Variants in RCAN2 observed in about 807,000 individuals in gnomAD.
RCAN2 encodes regulator of calcineurin 2, also known as calcipressin-2.
In RCAN2, 9 loss-of-function variants were observed where a neutral mutation model predicts 23.6. The observed-to-expected ratio is 0.38, with a 90% CI of 0.23 to 0.67. The LOEUF (loss-of-function observed/expected upper bound fraction) is 0.67. RCAN2 is among the 30% of genes least tolerant of loss of function. RCAN2 has a pLI of 0.51. For synonymous variants in RCAN2, 109 were observed against 115.7 expected, an observed-to-expected ratio of 0.94 and a Z score of 0.37; for missense variants, 273 against 302.3, an observed-to-expected ratio of 0.90 and a Z score of 0.72.
At chr6:46,433,067 T>A (rs1767262831) in intron 2 of RCAN2, among the ~76,000 whole-genome samples, 1 of 152,202 alleles carries the variant, frequency 6.6e-6, no homozygotes, top group African/African-American at 2.4e-5. Flanking sequence ...ATAACTTTTT[T>A]ACCTCTATGT....
At chr6:46,306,060 G>A (rs552794050) in intron 2 of RCAN2, among the ~76,000 whole-genome samples, 44 of 152,144 alleles carry the variant, frequency 2.9e-4, no homozygotes, top group Admixed American at 1.4e-3. Flanking sequence ...GTATGCTGTG[G>A]CCACACCCAG....
intron 2 of RCAN2, among the ~76,000 whole-genome samples, chr6:46,295,551 G>T (rs1762700374): frequency 6.6e-6 from 1 of 152,134 alleles, no homozygotes. Context: ...AGGGGCCAGA[G>T]TAAGAATGCA....
chr6:46,330,458 A>G (rs919745407), intron 2 of RCAN2, among the ~76,000 whole-genome samples: 3 of 152,230 alleles, frequency 2.0e-5, no homozygotes, highest in South Asian at 2.1e-4. Context: ...ATATTTCAGT[A>G]TATATCCCTA....
intron 2 of RCAN2, among the ~76,000 whole-genome samples, chr6:46,385,169 G>A (rs1765708585): frequency 6.6e-6 from 1 of 152,120 alleles, no homozygotes; most frequent in African/African-American, 2.4e-5. Flanking sequence ...TAACCACTTT[G>A]CTTCAAACCA....
chr6:46,385,311 C>A (rs186082673), intron 2 of RCAN2, among the ~76,000 whole-genome samples: 3 of 152,306 alleles, frequency 2.0e-5, no homozygotes, highest in Admixed American at 6.5e-5. Context: ...CAAGGAACTG[C>A]ACACAGTAGA....
At chr6:46,349,599 C>G (rs1355290516) in intron 2 of RCAN2, among the ~76,000 whole-genome samples, 1 of 152,056 alleles carries the variant, frequency 6.6e-6, no homozygotes, top group African/African-American at 2.4e-5. Flanking sequence ...AAAAATCTGC[C>G]CTCAGGGAAA....
intron 2 of RCAN2, chr6:46,325,673 G>C (rs1270041024): frequency 5.8e-6 from 8 of 1,384,606 alleles, no homozygotes; most frequent in African/African-American, 1.5e-5. Flanking sequence ...GCAGAGTAAC[G>C]AACGGCCCGG....
chr6:46,345,831 C>T (rs1378061120), intron 2 of RCAN2, among the ~76,000 whole-genome samples: 1 of 152,046 alleles, frequency 6.6e-6, no homozygotes, highest in East Asian at 1.9e-4. Context: ...ATCAATGTTA[C>T]TTTTTTCACT....
intron 2 of RCAN2, among the ~76,000 whole-genome samples, chr6:46,358,126 C>T (rs1764898432): frequency 1.3e-5 from 2 of 152,176 alleles, no homozygotes; most frequent in Admixed American, 6.5e-5. Flanking sequence ...TCTAGAATGA[C>T]ATTTATCTAA....
At chr6:46,299,996 A>G (rs763881027) in intron 2 of RCAN2, among the ~76,000 whole-genome samples, 3 of 151,936 alleles carry the variant, frequency 2.0e-5, no homozygotes, top group Admixed American at 6.6e-5. Flanking sequence ...AGTAATTATT[A>G]AAAGTATATA....
intron 1 of RCAN2, among the ~76,000 whole-genome samples, chr6:46,489,447 G>C (rs1037069486): frequency 6.6e-6 from 1 of 152,214 alleles, no homozygotes; most frequent in South Asian, 2.1e-4. Context: ...TGAATTGATC[G>C]AGTGGATGCT....
chr6:46,399,671 A>G (rs1766194595), intron 2 of RCAN2, among the ~76,000 whole-genome samples: 2 of 150,762 alleles, frequency 1.3e-5, no homozygotes, highest in South Asian at 4.2e-4. Flanking sequence ...CAATCCCTCC[A>G]CTCCTGGCTT....
At chr6:46,370,350 C>T (rs114791028) in intron 2 of RCAN2, among the ~76,000 whole-genome samples, 227 of 152,306 alleles carry the variant, frequency 1.5e-3, no homozygotes, top group Non-Finnish European at 1.8e-3. Flanking sequence ...TCTCCGCTTG[C>T]ATCCTATATT....
intron 1 of RCAN2, among the ~76,000 whole-genome samples, chr6:46,467,048 C>G (rs921491138): frequency 6.6e-6 from 1 of 152,264 alleles, no homozygotes; most frequent in African/African-American, 2.4e-5. Context: ...TGAGATTCCC[C>G]AGTTACTGAT....
At chr6:46,444,804 A>G (rs1767652808) in intron 2 of RCAN2, among the ~76,000 whole-genome samples, 1 of 152,138 alleles carries the variant, frequency 6.6e-6, no homozygotes, top group South Asian at 2.1e-4. Context: ...GCTAGGCTCC[A>G]GGACCACCCC....
At chr6:46,480,611 CTT>C (rs1055866470) in intron 1 of RCAN2, among the ~76,000 whole-genome samples, 3 of 150,308 alleles carry the variant, frequency 2.0e-5, no homozygotes, top group Non-Finnish European at 3.0e-5. Flanking sequence ...ACTAGACAAA[CTT>C]ATCATGTAGA....
At chr6:46,342,108 G>C (rs1764338460) in intron 2 of RCAN2, among the ~76,000 whole-genome samples, 1 of 152,136 alleles carries the variant, frequency 6.6e-6, no homozygotes, top group Admixed American at 6.5e-5. Context: ...TTTGAGTGTA[G>C]TGTTAGAGTG....
chr6:46,417,695 A>T (rs981125076), intron 2 of RCAN2, among the ~76,000 whole-genome samples: 2 of 152,232 alleles, frequency 1.3e-5, no homozygotes, highest in African/African-American at 2.4e-5. Flanking sequence ...TCTTATCGAC[A>T]TAATCCAACA....
At chr6:46,453,465 A>G (rs937829688) in intron 2 of RCAN2, among the ~76,000 whole-genome samples, 2 of 152,242 alleles carry the variant, frequency 1.3e-5, no homozygotes, top group Non-Finnish European at 2.9e-5. Flanking sequence ...CTAACTGAAA[A>G]TTGGAATGAA....
Sources: allele counts gnomAD v4.1 joint callset (sites outside exome capture counted in the v4.1 genomes callset), GRCh38; gene constraint gnomAD v4.1.1; transcripts MANE v1.5; gene names NCBI Gene and HGNC (gene_info 2026-07-23, HGNC 2026-07-21).